HPD: variants seen among roughly 807,000 people sequenced by gnomAD.
HPD encodes the protein 4-hydroxyphenylpyruvate dioxygenase, also known as 4-hydroxyphenylpyruvic acid oxidase.
A neutral mutation model predicts 56.9 loss-of-function variants in HPD; 35 were observed. That is an observed-to-expected ratio of 0.62 (90% CI 0.47 to 0.82). The LOEUF (loss-of-function observed/expected upper bound fraction) is 0.82, where lower values mean the gene tolerates loss of function less well. HPD is among the 40% of genes least tolerant of loss of function. HPD has a pLI of 0.00. For synonymous variants in HPD, 186 were observed against 200.2 expected, an observed-to-expected ratio of 0.93 and a Z score of 0.60; for missense variants, 442 against 506.8, an observed-to-expected ratio of 0.87 and a Z score of 1.23.
At position 121,846,912 on chromosome 12, in the gene HPD, C is replaced by A. The variant is rs1877604520; in HGVS notation, c.781G>T (p.Gly261Cys). 1.2e-6 allele frequency: 2 copies of A among 1,614,108 alleles called. No homozygotes were observed. The highest frequency in any genetic ancestry group is 1.7e-6 in the Non-Finnish European group (2 of 1,179,992). ...QIQEYVDYNG[G>C]AGVQHIALKT... is the part of the protein sequence containing the mutation. ...AGAGCGATGTGCTGGACCCCAGCGC[C>A]CCCGTTATAGTCCACATATTCCTGG... The change falls in exon 11 of 14, where the codon GGC (glycine) becomes TGC (cysteine). Residue 261 changes from glycine to cysteine, a missense_variant. Transcript: ENST00000289004.
chr12:121,879,264 G>A, the HPD span, among the ~76,000 whole-genome samples: 1 of 150,752 alleles, frequency 6.6e-6, no homozygotes, highest in Non-Finnish European at 1.5e-5. Context: ...GCAACAAGAG[G>A]GAAAATCTGT....
the HPD span, among the ~76,000 whole-genome samples, chr12:121,872,986 G>A: frequency 1.3e-5 from 2 of 152,000 alleles, no homozygotes; most frequent in Non-Finnish European, 2.9e-5. Flanking sequence ...AACCACTGGT[G>A]CTGACAAACA....
chr12:121,872,382 C>T, the HPD span, among the ~76,000 whole-genome samples: 1 of 151,768 alleles, frequency 6.6e-6, no homozygotes, highest in Admixed American at 6.6e-5. Flanking sequence ...AGCCCGCCAC[C>T]AGGACCAGTT....
At chr12:121,842,604 C>A (rs1175640066) in intron 12 of HPD, among the ~76,000 whole-genome samples, 2 of 149,266 alleles carry the variant, frequency 1.3e-5, no homozygotes, top group Non-Finnish European at 3.0e-5. Context: ...TTTTTTTTTT[C>A]TTTTTGTAGA....
At chr12:121,850,629 A>ACGTCCAGCCAAT (rs1566571271) in intron 7 of HPD, among the ~76,000 whole-genome samples, 2 of 147,272 alleles carry the variant, frequency 1.4e-5, no homozygotes, top group Non-Finnish European at 3.0e-5. Flanking sequence ...GTGTACCACC[A>ACGTCCAGCCAAT]TGCCGGGCCC....
At chr12:121,853,028 A>T (rs1315703108) in intron 7 of HPD, among the ~76,000 whole-genome samples, 1 of 152,174 alleles carries the variant, frequency 6.6e-6, no homozygotes, top group African/African-American at 2.4e-5. Flanking sequence ...CTTTACGGGG[A>T]CATGGATGGA....
the HPD span, chr12:121,874,302 T>C: frequency 3.3e-5 from 5 of 152,096 alleles, no homozygotes; most frequent in Admixed American, 2.6e-4. Context: ...TATTACTATG[T>C]TTGTGATCAT....
chr12:121,869,730 G>A, the HPD span, among the ~76,000 whole-genome samples: 1 of 152,024 alleles, frequency 6.6e-6, no homozygotes, highest in Admixed American at 6.6e-5. Flanking sequence ...TCACCATGTT[G>A]CCCAGGCTGG....
At chr12:121,847,453 G>A (rs1385832079) in intron 9 of HPD, among the ~76,000 whole-genome samples, 15 of 152,094 alleles carry the variant, frequency 9.9e-5, no homozygotes, top group Admixed American at 9.2e-4. Flanking sequence ...TCAATCTCCA[G>A]GCTCAATTGC....
chr12:121,879,482 G>GTTCTCTTCTCTTCTGTTCTCTTCTC, the HPD span, among the ~76,000 whole-genome samples: 1 of 147,894 alleles, frequency 6.8e-6, no homozygotes, highest in Non-Finnish European at 1.5e-5. Flanking sequence ...TTTCTCTTCT[G>GTTCTCTTCTCTTCTGTTCTCTTCTC]TTCTCTTCTC....
At chr12:121,873,446 C>A in the HPD span, among the ~76,000 whole-genome samples, 2 of 152,236 alleles carry the variant, frequency 1.3e-5, no homozygotes, top group African/African-American at 4.8e-5. Flanking sequence ...TGGCCAAGGC[C>A]TTGTGGAGTC....
upstream of HPD, among the ~76,000 whole-genome samples, chr12:121,862,007 C>A (rs1304604283): frequency 1.3e-5 from 2 of 152,028 alleles, no homozygotes; most frequent in East Asian, 3.8e-4. Flanking sequence ...GAGACCCTGT[C>A]TTAAAAAAAG....
At chr12:121,848,950 C>A (rs780413992) in intron 9 of HPD, 49 bp downstream of exon 9, 1 of 1,372,494 alleles carries the variant, frequency 7.3e-7, no homozygotes, top group Admixed American at 1.7e-5. Context: ...GGCCAGTCCA[C>A]CGTGAGGACC....
chr12:121,887,438 T>A, the HPD span, among the ~76,000 whole-genome samples: 1 of 152,000 alleles, frequency 6.6e-6, no homozygotes, highest in Non-Finnish European at 1.5e-5. Context: ...CCCAGCACTT[T>A]GAAAGGCCGA....
chr12:121,850,629 A>ACGTCCAGCCAATT (rs1566571271), intron 7 of HPD, among the ~76,000 whole-genome samples: 2 of 147,266 alleles, frequency 1.4e-5, no homozygotes, highest in African/African-American at 2.5e-5. Context: ...GTGTACCACC[A>ACGTCCAGCCAATT]TGCCGGGCCC....
At chr12:121,878,184 T>C in the HPD span, among the ~76,000 whole-genome samples, 3 of 152,192 alleles carry the variant, frequency 2.0e-5, no homozygotes, top group African/African-American at 7.2e-5. Context: ...TCTCAATAAA[T>C]TGAATTGGTT....
At chr12:121,857,264 G>A (rs1878035259) in intron 4 of HPD, 64 bp downstream of exon 4, 1 of 1,052,416 alleles carries the variant, frequency 9.5e-7, no homozygotes, top group Admixed American at 1.7e-5. Context: ...ATTTTTAATA[G>A]AGATGGGGTT....
intron 7 of HPD, among the ~76,000 whole-genome samples, chr12:121,853,807 G>T (rs1877895205): frequency 6.6e-6 from 1 of 151,812 alleles, no homozygotes; most frequent in Non-Finnish European, 1.5e-5. Context: ...AGCCGTGTGT[G>T]CGGGTGGATG....
intron 11 of HPD, among the ~76,000 whole-genome samples, chr12:121,846,370 C>T (rs1364986693): frequency 6.6e-6 from 1 of 152,176 alleles, no homozygotes; most frequent in Non-Finnish European, 1.5e-5. Context: ...GTGCCCGCAA[C>T]CACGCCCAGA....
Sources: gnomAD v4.1 joint callset for allele counts (sites outside exome capture counted in the v4.1 genomes callset) on GRCh38, gnomAD v4.1.1 for gene constraint, MANE v1.5 for transcripts, NCBI Gene and HGNC (gene_info 2026-07-23, HGNC 2026-07-21) for gene names.